Variants in KHDRBS2 observed in about 807,000 individuals in gnomAD.
The protein encoded by KHDRBS2 is KH domain-containing, RNA-binding, signal transduction-associated protein 2.
A neutral mutation model predicts 44.3 loss-of-function variants in KHDRBS2; 26 were observed. That is an observed-to-expected ratio of 0.59 (90% CI 0.43 to 0.81). The LOEUF (loss-of-function observed/expected upper bound fraction) is 0.81, where lower values mean the gene tolerates loss of function less well. Ranked by LOEUF, KHDRBS2 falls within the 40% of genes least tolerant of loss-of-function variation. The pLI, the probability that KHDRBS2 is intolerant of heterozygous loss-of-function variation, is 0.00. For missense variants in KHDRBS2, 476 were observed against 433.1 expected, an observed-to-expected ratio of 1.10 and a Z score of -0.88; for synonymous variants, 194 against 151.1, an observed-to-expected ratio of 1.28 and a Z score of -2.08.
intron 6 of KHDRBS2, among the ~76,000 whole-genome samples, chr6:61,836,123 A>G (rs1490664713): frequency 6.6e-6 from 1 of 151,960 alleles, no homozygotes; most frequent in Admixed American, 6.6e-5. Context: ...CTCTAATTTT[A>G]ATCTAGTTTT....
chr6:61,671,141 T>C, the KHDRBS2 span, among the ~76,000 whole-genome samples: 5 of 151,560 alleles, frequency 3.3e-5, no homozygotes, highest in Non-Finnish European at 7.4e-5. Context: ...CAAAAGACAA[T>C]GAGACAGAAG....
At position 61,750,701 on chromosome 6, in the gene KHDRBS2, T is replaced by G. The variant is rs78747342; in HGVS notation, c.811-17937A>C. Reference sequence around the variant, plus strand: ...TTCTTTGTTTCCCTTTTTCACATTTTGCTTATTTACCAGGGAGTAACTGCC... The same window carrying G: ...TTCTTTGTTTCCCTTTTTCACATTTGGCTTATTTACCAGGGAGTAACTGCC... On this transcript the variant is annotated intron_variant, in intron 6 of 8. Transcript: ENST00000281156. 2.8e-3 allele frequency among the ~76,000 whole-genome samples: 431 copies of G among 151,968 alleles called. 5 individuals are homozygous for G. Among genetic ancestry groups the G allele is most frequent in the African/African-American group, 0.01 (416 of 41,458 alleles).
chr6:62,245,952 G>A (rs911877675), intron 1 of KHDRBS2, among the ~76,000 whole-genome samples: 1 of 151,576 alleles, frequency 6.6e-6, no homozygotes, highest in Admixed American at 6.6e-5. Flanking sequence ...ATAAACATCT[G>A]GACCTCACAA....
intron 2 of KHDRBS2, among the ~76,000 whole-genome samples, chr6:62,172,198 C>A (rs756324761): frequency 7.2e-5 from 11 of 152,072 alleles, no homozygotes; most frequent in Non-Finnish European, 1.5e-4. Flanking sequence ...CATGCAATGA[C>A]ATCCATAGGC....
intron 2 of KHDRBS2, among the ~76,000 whole-genome samples, chr6:62,106,070 C>T (rs1803195362): frequency 6.6e-6 from 1 of 152,188 alleles, no homozygotes; most frequent in South Asian, 2.1e-4. Context: ...TGTTCAGTTT[C>T]CATGCAGTTG....
the KHDRBS2 span, among the ~76,000 whole-genome samples, chr6:61,547,171 C>T: frequency 1.2e-4 from 19 of 152,090 alleles, no homozygotes; most frequent in South Asian, 4.1e-4. Flanking sequence ...ACAGTGGCTC[C>T]GACAACTCTC....
At chr6:62,267,241 G>T (rs938091379) in intron 1 of KHDRBS2, among the ~76,000 whole-genome samples, 4 of 152,052 alleles carry the variant, frequency 2.6e-5, no homozygotes, top group Non-Finnish European at 5.9e-5. Flanking sequence ...GAAAGACTTT[G>T]TTGGAAGGCC....
chr6:62,187,961 C>T (rs1043342425), intron 1 of KHDRBS2, among the ~76,000 whole-genome samples: 14 of 151,736 alleles, frequency 9.2e-5, no homozygotes, highest in South Asian at 4.1e-4. Flanking sequence ...TTGGTGAGAC[C>T]CAGAAAGCTT....
chr6:61,884,778 CTT>C (rs1800691366), intron 6 of KHDRBS2, among the ~76,000 whole-genome samples: 1 of 151,968 alleles, frequency 6.6e-6, no homozygotes, highest in Admixed American at 6.6e-5. Context: ...ACAGAACAGA[CTT>C]TTAGTACCAG....
intron 1 of KHDRBS2, among the ~76,000 whole-genome samples, chr6:62,239,376 C>A (rs1456673323): frequency 6.6e-6 from 1 of 152,046 alleles, no homozygotes; most frequent in Non-Finnish European, 1.5e-5. Flanking sequence ...AGTCCAAGAC[C>A]AGCCTTGCCA....
intron 6 of KHDRBS2, among the ~76,000 whole-genome samples, chr6:61,865,986 C>T (rs1453017933): frequency 6.6e-6 from 1 of 152,232 alleles, no homozygotes; most frequent in Non-Finnish European, 1.5e-5. Flanking sequence ...GCTGCTTTCA[C>T]TAACTGGCGT....
chr6:62,231,633 G>T (rs2150159514), intron 1 of KHDRBS2, among the ~76,000 whole-genome samples: 2 of 152,174 alleles, frequency 1.3e-5, no homozygotes, highest in South Asian at 4.2e-4. Flanking sequence ...ATCATCAAGA[G>T]TACATCAAGC....
At chr6:61,726,053 A>T (rs1469165987) in intron 7 of KHDRBS2, among the ~76,000 whole-genome samples, 1 of 152,118 alleles carries the variant, frequency 6.6e-6, no homozygotes. Flanking sequence ...TCCTCAATAA[A>T]ATACTAGAAA....
intron 2 of KHDRBS2, among the ~76,000 whole-genome samples, chr6:62,142,505 G>T (rs1813055810): frequency 6.6e-6 from 1 of 151,762 alleles, no homozygotes; most frequent in African/African-American, 2.4e-5. Context: ...TGCAAATGTG[G>T]GTTTACTTTC....
intron 1 of KHDRBS2, among the ~76,000 whole-genome samples, chr6:62,215,673 C>T (rs1384122428): frequency 6.6e-6 from 1 of 151,622 alleles, no homozygotes; most frequent in Non-Finnish European, 1.5e-5. Flanking sequence ...CTTCTCAACC[C>T]ACCGGAATAA....
At chr6:62,064,983 A>G (rs1793199974) in intron 2 of KHDRBS2, among the ~76,000 whole-genome samples, 2 of 152,132 alleles carry the variant, frequency 1.3e-5, no homozygotes, top group South Asian at 4.1e-4. Flanking sequence ...ACATGAACAG[A>G]CACTTCTCAA....
At chr6:61,708,486 A>G (rs1238808462) in intron 7 of KHDRBS2, among the ~76,000 whole-genome samples, 9 of 151,660 alleles carry the variant, frequency 5.9e-5, no homozygotes, top group African/African-American at 2.2e-4. Flanking sequence ...TTTTATTAGT[A>G]TATTTCTAAA....
At chr6:61,576,944 T>A in the KHDRBS2 span, among the ~76,000 whole-genome samples, 1 of 152,178 alleles carries the variant, frequency 6.6e-6, no homozygotes, top group East Asian at 1.9e-4. Context: ...CTGTACATTG[T>A]TGCCTGATTC....
At chr6:61,996,615 C>T (rs1584044355) in intron 3 of KHDRBS2, among the ~76,000 whole-genome samples, 1 of 152,158 alleles carries the variant, frequency 6.6e-6, no homozygotes, top group South Asian at 2.1e-4. Context: ...CAACTTTCTC[C>T]AGTTCAGGCA....
Sources: gnomAD v4.1 joint callset for allele counts (sites outside exome capture counted in the v4.1 genomes callset) on GRCh38, gnomAD v4.1.1 for gene constraint, MANE v1.5 for transcripts, NCBI Gene and HGNC (gene_info 2026-07-23, HGNC 2026-07-21) for gene names.